DIP2C: variants seen among roughly 807,000 people sequenced by gnomAD.
DIP2C encodes the protein disco-interacting protein 2 homolog C.
A neutral mutation model predicts 192.4 loss-of-function variants in DIP2C; 33 were observed. That is an observed-to-expected ratio of 0.17 (90% CI 0.13 to 0.23). The LOEUF is 0.23. Among genes scored for constraint, DIP2C ranks in the 10% least tolerant of loss-of-function variants. DIP2C has a pLI of 1.00. For missense variants in DIP2C, 1,537 were observed against 2,110.1 expected (o/e 0.73, Z 5.32); for synonymous variants, 979 against 864.1 (o/e 1.13, Z -2.33).
intron 1 of DIP2C, among the ~76,000 whole-genome samples, chr10:577,233 T>C (rs886525255): frequency 6.6e-6 from 1 of 152,230 alleles, no homozygotes; most frequent in African/African-American, 2.4e-5. Flanking sequence ...ACAAGAAGAA[T>C]GACCTCCAGT....
At chr10:434,962 T>C (rs1369315092) in intron 4 of DIP2C, among the ~76,000 whole-genome samples, 1 of 152,212 alleles carries the variant, frequency 6.6e-6, no homozygotes, top group African/African-American at 2.4e-5. Flanking sequence ...TTTTTGTTTT[T>C]GTCGTTGTTG....
intron 1 of DIP2C, among the ~76,000 whole-genome samples, chr10:565,871 T>G (rs552416365): frequency 6.6e-6 from 1 of 152,344 alleles, no homozygotes; most frequent in Non-Finnish European, 1.5e-5. Context: ...AGGAAACCAC[T>G]GACCAGCACT....
rs1261366002 is a variant in DIP2C, at chr10:325,065, A to G, written c.3924+1941T>C. 2.0e-5 allele frequency: 9 copies of G among 447,558 alleles called. No individual in the cohort carries two copies. The Admixed American group carries it at 2.4e-4, about 12-fold the overall frequency. 27.7% of individuals were successfully genotyped at this position (447,558 alleles called of 1,614,324 possible). ...CGGATCATGAGGTCAGGAGATCAAA[A>G]CCATGCTGGCTAACACGGTGAAACC... On this transcript the variant is annotated intron_variant, in intron 31 of 36. Transcript: ENST00000280886.
rs78261804 is a variant in DIP2C, at chr10:639,920, C to A, written c.85+49574G>T. Among the ~76,000 whole-genome samples, 690 of 152,292 alleles carry A rather than the reference C, an allele frequency of 4.5e-3. 9 individuals carry two copies. The highest frequency in any genetic ancestry group is 0.015 in the African/African-American group (629 of 41,568). ...GTCCCTCCCCCGCCCGGCCTGTATC[C>A]AAGGCTTCCGCTGACCACGCGGCAT... On this transcript the variant is annotated intron_variant, in intron 1 of 36. Coordinates refer to ENST00000280886, the MANE Select transcript of DIP2C (RefSeq NM_014974.3).
intron 3 of DIP2C, among the ~76,000 whole-genome samples, chr10:460,151 A>T (rs997658888): frequency 2.0e-5 from 3 of 151,792 alleles, no homozygotes; most frequent in Admixed American, 1.3e-4. Context: ...CATGCTGCAC[A>T]TGAGCTCTAG....
chr10:553,790 AC>A (rs78587394), intron 1 of DIP2C, among the ~76,000 whole-genome samples: 14,895 of 151,996 alleles, frequency 0.098, 908 homozygotes, highest in East Asian at 0.18. Flanking sequence ...GAAAAGGTAT[AC>A]CGCTTGTAAC....
rs554927666 is a variant in DIP2C at position 588,821 on chromosome 10, GAC to G, written c.85+100671_85+100672del. Among the ~76,000 whole-genome samples the G allele has an allele frequency of 2.6e-3, 394 of 152,320 alleles. 4 individuals are homozygous for G. In the Middle Eastern group the frequency reaches 0.034, roughly 13 times the overall value. On this transcript the variant is annotated intron_variant, in intron 1 of 36. Transcript: ENST00000280886. ...CAAGAGCCCCCATGTTCAACATCTGGACACAGTTTTTCTTGAACATCAGCTTC... is the reference window on the plus strand; with the variant it reads ...CAAGAGCCCCCATGTTCAACATCTGGACAGTTTTTCTTGAACATCAGCTTC...
At chr10:616,255 G>A (rs1041366715) in intron 1 of DIP2C, among the ~76,000 whole-genome samples, 1 of 152,190 alleles carries the variant, frequency 6.6e-6, no homozygotes, top group African/African-American at 2.4e-5. Flanking sequence ...AAAATTTAAA[G>A]CTAATTTAGG....
At chr10:623,742 C>T (rs1209107482) in intron 1 of DIP2C, among the ~76,000 whole-genome samples, 1 of 98,038 alleles carries the variant, frequency 1.0e-5, no homozygotes, top group Non-Finnish European at 2.0e-5. Flanking sequence ...GAGGGACGGA[C>T]GCAGGGCCAA....
chr10:608,113 A>C lies in DIP2C; in HGVS notation c.85+81381T>G, dbSNP rs148119180. Among the ~76,000 whole-genome samples, 92 of 125,112 alleles carry C rather than the reference A, an allele frequency of 7.4e-4. No homozygotes were observed. The East Asian group carries it at 9.9e-3, about 13-fold the overall frequency. The allele number at this position is 125,112 out of a possible 152,430, so 82.1% of individuals were successfully genotyped here. A position where few individuals can be genotyped will look rare whatever the true frequency, so the allele number is the denominator to read the frequency against. ...TCATAACCTAAAAAGGAACACACAC[A>C]CCACACACACAGCCCCAACACACAC... On this transcript the variant is annotated intron_variant, in intron 1 of 36. Transcript: ENST00000280886.
intron 1 of DIP2C, among the ~76,000 whole-genome samples, chr10:541,878 CCCTCACCTCACTT>C (rs1848010542): frequency 6.6e-6 from 1 of 152,178 alleles, no homozygotes; most frequent in South Asian, 2.1e-4. Context: ...CTCTCGGCCC[CCCTCACCTCACTT>C]CCTCACCTTC....
At chr10:596,073 C>T (rs843832) in intron 1 of DIP2C, among the ~76,000 whole-genome samples, 42 of 152,154 alleles carry the variant, frequency 2.8e-4, no homozygotes, top group African/African-American at 9.7e-4. Flanking sequence ...TCTGCTCAAA[C>T]GGATAACTCC....
intron 1 of DIP2C, among the ~76,000 whole-genome samples, chr10:625,527 T>C (rs1418914525): frequency 6.6e-6 from 1 of 152,078 alleles, no homozygotes; most frequent in Admixed American, 6.5e-5. Context: ...CCCTGTGGCC[T>C]CGGTGGCCTG....
intron 3 of DIP2C, among the ~76,000 whole-genome samples, chr10:444,398 G>A (rs1250126090): frequency 2.6e-5 from 3 of 117,550 alleles, no homozygotes; most frequent in African/African-American, 6.8e-5. Flanking sequence ...TCATTCATGA[G>A]GAGTGTTCCT....
At chr10:291,682 C>A (rs1343789956) in intron 32 of DIP2C, among the ~76,000 whole-genome samples, 1 of 152,178 alleles carries the variant, frequency 6.6e-6, no homozygotes, top group African/African-American at 2.4e-5. Context: ...GTGTGCTGCT[C>A]GGTGCTGACT....
chr10:541,528 A>G (rs59771674), intron 1 of DIP2C, among the ~76,000 whole-genome samples: 33,944 of 122,574 alleles, frequency 0.28, 6,098 homozygotes, highest in African/African-American at 0.56. Flanking sequence ...GACCACACCC[A>G]TCTCTCCTCG....
chr10:621,146 C>T (rs144876734), intron 1 of DIP2C, among the ~76,000 whole-genome samples: 50 of 152,290 alleles, frequency 3.3e-4, no homozygotes, highest in African/African-American at 1.2e-3. Flanking sequence ...TCAACACAGG[C>T]ACAGGGCCGC....
intron 1 of DIP2C, among the ~76,000 whole-genome samples, chr10:580,035 A>G (rs1270450086): frequency 6.6e-6 from 1 of 152,078 alleles, no homozygotes; most frequent in East Asian, 1.9e-4. Flanking sequence ...ACGCATCTCT[A>G]TCCAGTGTAC....
chr10:364,731 G>T, intron 19 of DIP2C, 149 bp from the exon 20 acceptor site: 3 of 841,166 alleles, frequency 3.6e-6, no homozygotes, highest in Non-Finnish European at 5.6e-6. Flanking sequence ...CACAGTGACC[G>T]CTGGTGGCCA....
Sources: gnomAD v4.1 joint callset for allele counts (sites outside exome capture counted in the v4.1 genomes callset) on GRCh38, gnomAD v4.1.1 for gene constraint, MANE v1.5 for transcripts, NCBI Gene and HGNC (gene_info 2026-07-23, HGNC 2026-07-21) for gene names.